Variants in LIPG observed in about 807,000 individuals in gnomAD.
LIPG encodes the protein lipase G, endothelial type.
In LIPG, 34 loss-of-function variants were observed where a neutral mutation model predicts 51.8. The observed-to-expected ratio is 0.66, with a 90% confidence interval of 0.50 to 0.87. The LOEUF is 0.87. Ranked by LOEUF, LIPG falls within the 40% of genes least tolerant of loss-of-function variation. The probability of loss-of-function intolerance (pLI) is 0.00; values close to 1 mark genes in which losing one functional copy is unlikely to be tolerated. For missense variants in LIPG, 580 were observed against 652.7 expected (o/e 0.89, Z 1.21); for synonymous variants, 246 against 246.1 (o/e 1.00, Z 0.00).
chr18:49,581,738 T>C, intron 6 of LIPG, 81 bp downstream of exon 6: 1 of 1,555,630 alleles, frequency 6.4e-7, no homozygotes, highest in African/African-American at 1.4e-5. Context: ...GCAGGGCACA[T>C]CCTAGCCCAG....
rs1600573828 is a variant in LIPG, at chr18:49,591,423, C to T, written c.*901C>T. 2.0e-5 allele frequency: 3 copies of T among 152,280 alleles called. No homozygotes were observed. The highest frequency in any genetic ancestry group is 6.5e-5 in the Admixed American group (1 of 15,296). The allele number at this position is 152,280 out of a possible 1,614,324, so 9.4% of individuals were successfully genotyped here. A position where few individuals can be genotyped will look rare whatever the true frequency, so the allele number is the denominator to read the frequency against. The stretch of plus-strand genomic sequence containing the variant: ...TATGAGTGACGTGTTTGATCACTAG[C>T]AGAATAGCAAGCAGAGTATCATTCA... On this transcript the variant is annotated 3_prime_UTR_variant, in exon 10 of 10. Coordinates refer to ENST00000261292, the MANE Select transcript of LIPG (RefSeq NM_006033.4).
chr18:49,562,000 T>A, upstream of LIPG: 1 of 1,402,428 alleles, frequency 7.1e-7, no homozygotes, highest in Non-Finnish European at 9.3e-7. Context: ...AATCACCATC[T>A]GGCGATGGGT....
At chr18:49,583,089 T>C (rs1045720642) in intron 7 of LIPG, among the ~76,000 whole-genome samples, 6 of 152,006 alleles carry the variant, frequency 3.9e-5, no homozygotes, top group Non-Finnish European at 7.4e-5. Flanking sequence ...GCTAGGAGTT[T>C]GGGGGAGACA....
rs35968328 is a variant in LIPG at position 49,590,837 on chromosome 18, A to G, written c.*315A>G. ...CTCGTGCACACTGGATTGGTTTCTC[A>G]GTTGCTGGGCGAGCCTGTACTCTGC... On this transcript the variant is annotated 3_prime_UTR_variant, in exon 10 of 10. Transcript: ENST00000261292. The G allele has an allele frequency of 0.098, 46,834 of 476,076 alleles. 2,662 individuals carry two copies. Among genetic ancestry groups the G allele is most frequent in the Non-Finnish European group, 0.12 (31,132 of 258,844 alleles). 29.5% of individuals were successfully genotyped at this position (476,076 alleles called of 1,614,324 possible).
At chr18:49,561,818 G>T, upstream of LIPG, 1 of 1,255,478 alleles carries the variant, frequency 8.0e-7, no homozygotes, top group Non-Finnish European at 1.0e-6. Context: ...GAGAAAGCTG[G>T]AGCTGCTGGA....
chr18:49,588,649 A>G (rs902258385), intron 9 of LIPG, among the ~76,000 whole-genome samples: 17 of 152,100 alleles, frequency 1.1e-4, no homozygotes, highest in Admixed American at 1.1e-3. Context: ...ATGTGGAGCT[A>G]AGTGAGACAG....
chr18:49,578,944 T>A (rs1204462165), intron 5 of LIPG, among the ~76,000 whole-genome samples: 1 of 138,580 alleles, frequency 7.2e-6, no homozygotes, highest in Non-Finnish European at 1.6e-5. Context: ...GAGGTTGCAG[T>A]GAGCCGAGAT....
chr18:49,561,886 A>G, upstream of LIPG: 2 of 1,276,794 alleles, frequency 1.6e-6, no homozygotes, highest in South Asian at 3.3e-5. Flanking sequence ...TGCGGCGTCC[A>G]CGCGGTGAGT....
rs2084591030 is a variant in LIPG at position 49,565,299 on chromosome 18, T to G, written c.98-18T>G. On this transcript the variant is annotated intron_variant, in intron 1 of 9. Coordinates refer to ENST00000261292, the MANE Select transcript of LIPG (RefSeq NM_006033.4). ...GCAAGTCTGCTAGATGCACCCACGCTCTGTTCTGTCTCCCCAGATAAGCTC... is the reference window on the plus strand; with the variant it reads ...GCAAGTCTGCTAGATGCACCCACGCGCTGTTCTGTCTCCCCAGATAAGCTC... 1 of 1,613,268 alleles carries G rather than the reference T, an allele frequency of 6.2e-7. No individual in the cohort carries two copies. The highest frequency in any genetic ancestry group is 2.2e-5 in the East Asian group (1 of 44,880).
chr18:49,578,847 C>G (rs2084765360), intron 5 of LIPG, among the ~76,000 whole-genome samples: 1 of 150,652 alleles, frequency 6.6e-6, no homozygotes, highest in Non-Finnish European at 1.5e-5. Flanking sequence ...ACAGCGAAAC[C>G]CCGTCTCCAC....
chr18:49,586,343 T>C (rs899234184), intron 8 of LIPG, among the ~76,000 whole-genome samples: 2 of 152,244 alleles, frequency 1.3e-5, no homozygotes, highest in Admixed American at 6.5e-5. Flanking sequence ...TAAAACTCCA[T>C]GTTGCAAGAA....
In LIPG at chr18:49,567,673, A is replaced by G. The variant is rs146599368; in HGVS notation, c.459+52A>G. On this transcript the variant is annotated intron_variant, in intron 3 of 9. Transcript: ENST00000261292. ...TGTCACCAGCAGGATCTCAAACCCA[A>G]TCTTCTTAAGAAATGCAGGTCATGC... The G allele has an allele frequency of 2.6e-4, 407 of 1,581,588 alleles. No individual in the cohort carries two copies. The African/African-American group carries it at 4.6e-3, about 18-fold the overall frequency.
chr18:49,583,086 G>T (rs1389025406), intron 7 of LIPG, among the ~76,000 whole-genome samples: 2 of 152,200 alleles, frequency 1.3e-5, no homozygotes, highest in South Asian at 2.1e-4. Flanking sequence ...GAGGCTAGGA[G>T]TTTGGGGGAG....
At position 49,595,582 on chromosome 18, in the gene LIPG, C is replaced by T. The variant is rs1600576258; in HGVS notation, c.*5060C>T. ...CGGTGGCTCACCCCTGTAATCTCAG[C>T]ACTTTGGGAGGCTGAGATGGGAGGA... On this transcript the variant is annotated 3_prime_UTR_variant, in exon 10 of 10. Transcript: ENST00000261292. 6.6e-6 allele frequency: 1 copy of T among 152,216 alleles called. No individual in the cohort carries two copies. The highest frequency in any genetic ancestry group is 1.5e-5 in the Non-Finnish European group (1 of 68,034). 9.4% of individuals were successfully genotyped at this position (152,216 alleles called of 1,614,324 possible). A position where few individuals can be genotyped will look rare whatever the true frequency, so the allele number is the denominator to read the frequency against.
chr18:49,594,008 A>G lies in LIPG; in HGVS notation c.*3486A>G, dbSNP rs1178804810. ...CATTTCTTTGTGTTGGGAACATTCA[A>G]TATCCTCCTTCTAGTTACTTGAAAC... is the stretch of plus-strand genomic sequence containing the variant. On this transcript the variant is annotated 3_prime_UTR_variant, in exon 10 of 10. Coordinates refer to ENST00000261292, the MANE Select transcript of LIPG (RefSeq NM_006033.4). The G allele has an allele frequency of 6.6e-6, 1 of 152,220 alleles. No homozygotes were observed. The highest frequency in any genetic ancestry group is 1.9e-4 in the East Asian group (1 of 5,194). 9.4% of individuals were successfully genotyped at this position (152,220 alleles called of 1,614,324 possible). A position where few individuals can be genotyped will look rare whatever the true frequency, so the allele number is the denominator to read the frequency against.
At chr18:49,561,636 G>A (rs1408880515), upstream of LIPG, 4 of 1,218,688 alleles carry the variant, frequency 3.3e-6, no homozygotes, top group Non-Finnish European at 4.1e-6. Context: ...CCGGCCCAGG[G>A]AGCGGATAGA....
chr18:49,578,226 CG>C (rs1568531828), intron 5 of LIPG, among the ~76,000 whole-genome samples: 1 of 142,538 alleles, frequency 7.0e-6, no homozygotes. Flanking sequence ...ACTTCTCAGA[CG>C]GGGCGGCTGC....
chr18:49,586,620 T>C, intron 8 of LIPG, 126 bp from the exon 9 acceptor site: 1 of 727,194 alleles, frequency 1.4e-6, no homozygotes, highest in East Asian at 2.6e-5. Context: ...TTCTGAAGGC[T>C]TTTGAGTCGG....
intron 5 of LIPG, among the ~76,000 whole-genome samples, chr18:49,581,051 G>A (rs1431272920): frequency 1.3e-5 from 2 of 152,092 alleles, no homozygotes; most frequent in Admixed American, 1.3e-4. Context: ...TTGAACCCAG[G>A]AGTTCAAGAC....
Sources: allele counts gnomAD v4.1 joint callset (sites outside exome capture counted in the v4.1 genomes callset), GRCh38; gene constraint gnomAD v4.1.1; transcripts MANE v1.5; gene names NCBI Gene and HGNC (gene_info 2026-07-23, HGNC 2026-07-21).